SETD9: variants seen among roughly 807,000 people sequenced by gnomAD.
The protein encoded by SETD9 is SET domain-containing protein 9.
In SETD9, 37 loss-of-function variants were observed where a neutral mutation model predicts 36.4. The ratio of observed to expected loss-of-function variants is 1.02; its 90% CI spans 0.78 to 1.34. The LOEUF is 1.34. Ranked by LOEUF, SETD9 falls within the 40% of genes most tolerant of loss-of-function variation. SETD9 has a pLI of 0.00. For missense variants in SETD9, 323 were observed against 353.2 expected (o/e 0.91, Z 0.69); for synonymous variants, 128 against 132.9 (o/e 0.96, Z 0.26).
chr5:56,927,051 A>G (rs1750020628), downstream of SETD9, among the ~76,000 whole-genome samples: 1 of 152,212 alleles, frequency 6.6e-6, no homozygotes. Context: ...AGTACAGACA[A>G]TAAAAAGATC....
chr5:56,915,449 A>G (rs889483504), intron 5 of SETD9, among the ~76,000 whole-genome samples: 2 of 152,208 alleles, frequency 1.3e-5, no homozygotes, highest in African/African-American at 2.4e-5. Context: ...CATAGCATTT[A>G]TTTCCTGTTC....
intron 5 of SETD9, among the ~76,000 whole-genome samples, chr5:56,916,326 A>C (rs1300810707): frequency 6.6e-6 from 1 of 152,080 alleles, no homozygotes; most frequent in Non-Finnish European, 1.5e-5. Context: ...CGGGAGGCAG[A>C]GGTTGCAGTG....
Position 56,917,150 on chromosome 5 carries a change from G to T in SETD9, c.*248G>T. The T allele has an allele frequency of 8.6e-7, 1 of 1,158,548 alleles. No homozygotes were observed. Among genetic ancestry groups the T allele is most frequent in the Non-Finnish European group, 1.1e-6 (1 of 941,438 alleles). 71.8% of individuals were successfully genotyped at this position (1,158,548 alleles called of 1,614,324 possible). On this transcript the variant is annotated 3_prime_UTR_variant, in exon 6 of 6. Coordinates refer to ENST00000285947, the MANE Select transcript of SETD9 (RefSeq NM_153706.4). ...TTGGTTTTCACCTAAATACACAATA[G>T]CTTATTAAATTAAAACCTACTCTTT...
At chr5:56,920,018 G>GTT (rs1749594408), downstream of SETD9, 1 of 152,570 alleles carries the variant, frequency 6.6e-6, no homozygotes, top group Non-Finnish European at 1.5e-5. Context: ...AGGTTTATTT[G>GTT]TTAGTTTACA....
At chr5:56,915,116 A>AT (rs1240678328) in intron 5 of SETD9, 150 bp downstream of exon 5, 4 of 423,810 alleles carry the variant, frequency 9.4e-6, no homozygotes, top group African/African-American at 8.1e-5. Context: ...TAACGTGTTA[A>AT]TGTAGGCTTA....
intron 2 of SETD9, 123 bp from the exon 3 acceptor site, chr5:56,912,885 CGTT>C: frequency 1.1e-6 from 1 of 941,964 alleles, no homozygotes; most frequent in Non-Finnish European, 1.6e-6. Flanking sequence ...TGCTATTGGG[CGTT>C]CACGCTTTAA....
chr5:56,928,667 AT>A (rs1242090249), downstream of SETD9: 6 of 762,112 alleles, frequency 7.9e-6, no homozygotes, highest in Non-Finnish European at 1.1e-5. Context: ...ATAAGGGAAC[AT>A]TAGTAAGTTG....
chr5:56,919,126 C>CTTTT (rs34426416), downstream of SETD9, among the ~76,000 whole-genome samples: 61 of 132,528 alleles, frequency 4.6e-4, no homozygotes, highest in African/African-American at 1.2e-3. Flanking sequence ...TTTGGGACTT[C>CTTTT]TTTTTTTTTT....
At chr5:56,926,620 C>T (rs1749995506), downstream of SETD9, among the ~76,000 whole-genome samples, 1 of 152,022 alleles carries the variant, frequency 6.6e-6, no homozygotes, top group African/African-American at 2.4e-5. Flanking sequence ...CAATAGAACT[C>T]ATTCATTACT....
chr5:56,910,733 C>T, intron 1 of SETD9: 1 of 187,490 alleles, frequency 5.3e-6, no homozygotes, highest in Non-Finnish European at 1.1e-5. Flanking sequence ...AACTACAAGG[C>T]CATTTTTAAA....
At chr5:56,916,684 A>G (rs778830305) in intron 5 of SETD9, 131 bp from the exon 6 acceptor site, 138 of 814,154 alleles carry the variant, frequency 1.7e-4, no homozygotes, top group Non-Finnish European at 2.4e-4. Flanking sequence ...TTCCTCATGG[A>G]AATCAAATGC....
chr5:56,918,948 G>GA (rs754525988), downstream of SETD9, among the ~76,000 whole-genome samples: 4 of 152,124 alleles, frequency 2.6e-5, no homozygotes, highest in Non-Finnish European at 5.9e-5. Context: ...GTCAAACTAT[G>GA]AATCGTATGG....
downstream of SETD9, chr5:56,921,024 T>C (rs1749646944): frequency 1.3e-5 from 2 of 152,678 alleles, no homozygotes; most frequent in South Asian, 4.1e-4. Context: ...AACTTGCTGA[T>C]AATCAAAACT....
chr5:56,913,853 T>A, intron 3 of SETD9, 21 bp from the exon 4 acceptor site: 1 of 1,455,134 alleles, frequency 6.9e-7, no homozygotes, highest in Admixed American at 1.7e-5. Context: ...ATCCATTAGC[T>A]AATGCTTTCA....
In SETD9 at chr5:56,917,224, T is replaced by G; in HGVS notation, c.*322T>G. The G allele has an allele frequency of 9.5e-7, 1 of 1,050,192 alleles. No individual in the cohort carries two copies. Among genetic ancestry groups the G allele is most frequent in the Non-Finnish European group, 1.1e-6 (1 of 872,864 alleles). The allele number at this position is 1,050,192 out of a possible 1,614,324, so 65.1% of individuals were successfully genotyped here. On this transcript the variant is annotated 3_prime_UTR_variant, in exon 6 of 6. Coordinates refer to ENST00000285947, the MANE Select transcript of SETD9 (RefSeq NM_153706.4). Reference sequence around the variant, plus strand: ...TTTGTTTATTTTGTAAGCTCTGTGGTGGTTTATAAAATTGTAGCCAGGCAT... The same window carrying G: ...TTTGTTTATTTTGTAAGCTCTGTGGGGGTTTATAAAATTGTAGCCAGGCAT...
intron 2 of SETD9, chr5:56,912,104 G>T: frequency 6.0e-6 from 5 of 839,612 alleles, no homozygotes; most frequent in Non-Finnish European, 7.2e-6. Flanking sequence ...GCAGTGAGCC[G>T]AGATTGTGCC....
chr5:56,917,529 A>G (rs1360857897), downstream of SETD9, among the ~76,000 whole-genome samples: 1 of 152,168 alleles, frequency 6.6e-6, no homozygotes, highest in Non-Finnish European at 1.5e-5. Context: ...CTTCATGTGG[A>G]GGGCTTCCAC....
At chr5:56,927,551 TAC>T (rs1359942213), downstream of SETD9, among the ~76,000 whole-genome samples, 1 of 152,166 alleles carries the variant, frequency 6.6e-6, no homozygotes, top group African/African-American at 2.4e-5. Flanking sequence ...CTAATGAACA[TAC>T]ATATGTATTT....
At chr5:56,924,342 C>A (rs1749851748) in intron 5 of SETD9, among the ~76,000 whole-genome samples, 1 of 152,092 alleles carries the variant, frequency 6.6e-6, no homozygotes, top group Non-Finnish European at 1.5e-5. Flanking sequence ...AAATCTTAAA[C>A]ACTAGCATTC....
Sources: allele counts gnomAD v4.1 joint callset (sites outside exome capture counted in the v4.1 genomes callset), GRCh38; gene constraint gnomAD v4.1.1; transcripts MANE v1.5; gene names NCBI Gene and HGNC (gene_info 2026-07-23, HGNC 2026-07-21).